Variants in MSANTD2 observed in about 807,000 individuals in gnomAD.
The protein encoded by MSANTD2 is myb/SANT-like DNA-binding domain-containing protein 2.
Under a neutral mutation model 52.6 loss-of-function variants are expected in MSANTD2, and 19 were observed. That is an observed-to-expected ratio of 0.36 (90% confidence interval 0.25 to 0.53). The LOEUF (loss-of-function observed/expected upper bound fraction) is 0.53. Ranked by LOEUF, MSANTD2 falls within the 20% of genes least tolerant of loss-of-function variation. The pLI is 0.91. For synonymous variants in MSANTD2, 291 were observed against 289.7 expected (o/e 1.00, Z -0.04); for missense variants, 558 against 716.3 (o/e 0.78, Z 2.52).
At chr11:124,772,742 CAAAAAAAAAAAAAAAAA>C (rs57859579) in intron 3 of MSANTD2, among the ~76,000 whole-genome samples, 3 of 57,926 alleles carry the variant, frequency 5.2e-5, no homozygotes, top group South Asian at 8.7e-4. Flanking sequence ...GATTCCGTCT[CAAAAAAAAAAAAAAAAA>C]AAAAAAAAAA....
In MSANTD2 at chr11:124,782,899, G is replaced by A. The variant is rs181283126; in HGVS notation, c.511-7925C>T. On this transcript the variant is annotated intron_variant, in intron 1 of 3. Transcript: ENST00000374979. ...ATGAATCTTGATGGGCGGGGCTCCT[G>A]AAACCTTTTGAAAATAGCTGGGCAA... Among the ~76,000 whole-genome samples, 7 of 152,262 alleles carry A rather than the reference G, an allele frequency of 4.6e-5. No individual in the cohort carries two copies. In the East Asian group the frequency reaches 1.2e-3, roughly 25 times the overall value.
chr11:124,799,723 G>T (rs1438038037), intron 1 of MSANTD2, 148 bp downstream of exon 1: 4 of 596,816 alleles, frequency 6.7e-6, no homozygotes, highest in Non-Finnish European at 1.1e-5. Flanking sequence ...CCCTTCCCAG[G>T]GAGAGAAGAA....
At chr11:124,791,124 C>G in intron 1 of MSANTD2, 3 of 680,182 alleles carry the variant, frequency 4.4e-6, no homozygotes, top group Non-Finnish European at 7.9e-6. Flanking sequence ...TGAAGAGGAC[C>G]CAGGGACAGT....
chr11:124,774,911 T>C lies in MSANTD2; in HGVS notation c.574A>G (p.Thr192Ala). Residue 192 changes from threonine (T) to alanine (A), a missense_variant, in exon 2 of 4, where the codon ACA becomes GCA. By Grantham distance (58) the Thr-to-Ala change is moderately conservative. Transcript: ENST00000374979. The surrounding 1 kb of genome is among the most constrained non-coding windows in gnomAD (Gnocchi z 5.1). Reference sequence around the variant, plus strand: ...AACACCTGTTCCAACTGTTCAAATGTGTAACTGCTCTTTCTTTTCCCAACA... The same window carrying C: ...AACACCTGTTCCAACTGTTCAAATGCGTAACTGCTCTTTCTTTTCCCAACA... ...HGVGKRKSSY[T>A]FEQLEQVFGQ... 6.2e-7 allele frequency: 1 copy of C among 1,607,444 alleles called. No homozygotes were observed.
At chr11:124,772,836 C>T (rs1440688203) in intron 3 of MSANTD2, among the ~76,000 whole-genome samples, 158 bp downstream of exon 3, 1 of 149,446 alleles carries the variant, frequency 6.7e-6, no homozygotes, top group African/African-American at 2.4e-5. Flanking sequence ...TTTCTAATAG[C>T]TTTAAGTGAG....
chr11:124,796,806 T>C (rs932206633), intron 1 of MSANTD2, among the ~76,000 whole-genome samples: 1 of 152,258 alleles, frequency 6.6e-6, no homozygotes, highest in Non-Finnish European at 1.5e-5. Flanking sequence ...AAAGTATTAC[T>C]AAGTTTCTTT....
rs1309682613 is a variant in MSANTD2, at chr11:124,798,583, A to G, written c.510+1288T>C. On this transcript the variant is annotated intron_variant, in intron 1 of 3. Transcript: ENST00000374979. ...ATGGGTGGCAAATTCCTTGAACAAT[A>G]GTAGGTTTTAAATATCTTAGTTTGT... Among the ~76,000 whole-genome samples the G allele has an allele frequency of 3.9e-5, 6 of 152,198 alleles. No individual in the cohort carries two copies. The East Asian group carries it at 9.6e-4, about 24-fold the overall frequency.
chr11:124,785,840 C>G (rs1945141595), intron 1 of MSANTD2, among the ~76,000 whole-genome samples: 1 of 151,164 alleles, frequency 6.6e-6, no homozygotes, highest in South Asian at 2.1e-4. Flanking sequence ...ATTTTACAGA[C>G]AAGAAAATTA....
At chr11:124,777,447 C>A (rs185504810) in intron 1 of MSANTD2, among the ~76,000 whole-genome samples, 2 of 152,346 alleles carry the variant, frequency 1.3e-5, no homozygotes, top group East Asian at 3.9e-4. Context: ...CCACCAATCT[C>A]TGGCGATAGA....
chr11:124,785,640 G>A (rs1445491887), intron 1 of MSANTD2, among the ~76,000 whole-genome samples: 2 of 152,082 alleles, frequency 1.3e-5, no homozygotes, highest in African/African-American at 4.8e-5. Context: ...TGGGCAGAGT[G>A]AAATTCTGAA....
At chr11:124,798,980 G>C (rs1357556413) in intron 1 of MSANTD2, among the ~76,000 whole-genome samples, 1 of 152,142 alleles carries the variant, frequency 6.6e-6, no homozygotes, top group Non-Finnish European at 1.5e-5. Flanking sequence ...AAAGCCTAGA[G>C]TCAGTTCTAG....
rs543258257 is a variant in MSANTD2 at position 124,777,292 on chromosome 11, A to G, written c.511-2318T>C. On this transcript the variant is annotated intron_variant, in intron 1 of 3. Coordinates refer to ENST00000374979, the MANE Select transcript of MSANTD2 (RefSeq NM_001308027.2). Reference sequence around the variant, plus strand: ...CCATGCCACTGCTCACTACTTACTGACTCCCTGGAGAAAAGCATTCAGCAC... The same window carrying G: ...CCATGCCACTGCTCACTACTTACTGGCTCCCTGGAGAAAAGCATTCAGCAC... Among the ~76,000 whole-genome samples, 9 of 152,012 alleles carry G rather than the reference A, an allele frequency of 5.9e-5. No homozygotes were observed. The East Asian group carries it at 1.7e-3, about 29-fold the overall frequency.
chr11:124,789,944 T>A (rs1945277326), intron 1 of MSANTD2: 1 of 152,262 alleles, frequency 6.6e-6, no homozygotes, highest in Non-Finnish European at 1.5e-5. Context: ...TATCCAATCA[T>A]AACTGCAATC....
rs1231276546 is a variant in MSANTD2 at position 124,785,567 on chromosome 11, G to A, written c.511-10593C>T. Among the ~76,000 whole-genome samples the A allele has an allele frequency of 2.6e-5, 4 of 152,228 alleles. No homozygotes were observed. In the East Asian group the frequency reaches 5.8e-4, roughly 22 times the overall value. On this transcript the variant is annotated intron_variant, in intron 1 of 3. Transcript: ENST00000374979. ...GACCTTGGTATTTCAGCACTGACCA[G>A]TCATTGGATTCAGGCTGCCACCAGA...
intron 1 of MSANTD2, among the ~76,000 whole-genome samples, chr11:124,784,982 T>C (rs1945112451): frequency 6.6e-6 from 1 of 152,196 alleles, no homozygotes; most frequent in Non-Finnish European, 1.5e-5. Context: ...ACACATATCC[T>C]TTCTAAGAAA....
chr11:124,769,164 TA>T (rs1329419192), intron 3 of MSANTD2, among the ~76,000 whole-genome samples: 3 of 152,198 alleles, frequency 2.0e-5, no homozygotes, highest in Non-Finnish European at 2.9e-5. Context: ...TCATACCTTC[TA>T]GGGGAGGAGC....
In MSANTD2 at chr11:124,785,083, A is replaced by G. The variant is rs150313202; in HGVS notation, c.511-10109T>C. On this transcript the variant is annotated intron_variant, in intron 1 of 3. Coordinates refer to ENST00000374979, the MANE Select transcript of MSANTD2 (RefSeq NM_001308027.2). ...TTGTTAGAAATAAATTCAGGCAATC[A>G]TAACTATTTTTATAGCTCATTTGGT... Among the ~76,000 whole-genome samples, 109 of 152,334 alleles carry G rather than the reference A, an allele frequency of 7.2e-4. 1 individual carries two copies. The East Asian group carries it at 0.016, about 22-fold the overall frequency.
rs56345418 is a variant in MSANTD2, at chr11:124,768,015, T to C, written c.841A>G (p.Met281Val). 6.2e-7 allele frequency: 1 copy of C among 1,601,892 alleles called. No individual in the cohort carries two copies. The highest frequency in any genetic ancestry group is 2.2e-5 in the East Asian group (1 of 44,608). The stretch of plus-strand genomic sequence containing the variant: ...TCCAAAATCTGTACAATATTCTGCA[T>C]GATGTCTCTCTTCCTGGAAAGACAA... Reference protein sequence around the residue: ...SSEEAQKRDIMQNIVQILESV... With the variant: ...SSEEAQKRDIVQNIVQILESV... The change falls in exon 4 of 4, where the codon ATG becomes GTG. Residue 281 changes from methionine (M) to valine (V), a missense_variant. Met to Val is a conservative substitution (Grantham distance 21). Coordinates refer to ENST00000374979, the MANE Select transcript of MSANTD2 (RefSeq NM_001308027.2).
At chr11:124,798,262 T>TAAAAAAAAAAAAAAA (rs1945560246) in intron 1 of MSANTD2, among the ~76,000 whole-genome samples, 1 of 116,616 alleles carries the variant, frequency 8.6e-6, no homozygotes, top group African/African-American at 4.4e-5. Flanking sequence ...AAAAAAAAAT[T>TAAAAAAAAAAAAAAA]TAATGAGCCA....
Sources: gnomAD v4.1 joint callset for allele counts (sites outside exome capture counted in the v4.1 genomes callset) on GRCh38, gnomAD v4.1.1 for gene constraint, Gnocchi (gnomAD v3.1) non-coding constraint, MANE v1.5 for transcripts, NCBI Gene and HGNC (gene_info 2026-07-23, HGNC 2026-07-21) for gene names.